REXO5: variants seen among roughly 807,000 people sequenced by gnomAD.
REXO5 encodes the protein exonuclease NEF-sp.
In REXO5, 48 loss-of-function variants were observed where a neutral mutation model predicts 88.5. The observed-to-expected ratio is 0.54, with a 90% CI of 0.43 to 0.69. The LOEUF (loss-of-function observed/expected upper bound fraction) is 0.69, where lower values mean the gene tolerates loss of function less well. Ranked by LOEUF, REXO5 falls within the 30% of genes least tolerant of loss-of-function variation. The pLI is 0.00. For missense variants in REXO5, 749 were observed against 912.2 expected, an observed-to-expected ratio of 0.82 and a Z score of 2.30; for synonymous variants, 311 against 336.5, an observed-to-expected ratio of 0.92 and a Z score of 0.83.
intron 19 of REXO5, among the ~76,000 whole-genome samples, chr16:20,847,714 G>C (rs1459637259): frequency 6.6e-6 from 1 of 152,156 alleles, no homozygotes; most frequent in Non-Finnish European, 1.5e-5. Context: ...AACAGGAACA[G>C]GTTAAAAAGT....
chr16:20,807,715 A>G (rs1287854971), intron 2 of REXO5, among the ~76,000 whole-genome samples: 1 of 151,282 alleles, frequency 6.6e-6, no homozygotes, highest in South Asian at 2.1e-4. Context: ...CAGCCTGGGC[A>G]ATATAGCAAG....
intron 13 of REXO5, among the ~76,000 whole-genome samples, chr16:20,833,856 CTAA>C (rs2152508421): frequency 6.6e-6 from 1 of 152,258 alleles, no homozygotes; most frequent in East Asian, 1.9e-4. Flanking sequence ...TTTAGTAAAT[CTAA>C]TATTGTCCTG....
intron 19 of REXO5, 53 bp from the exon 20 acceptor site, chr16:20,849,346 C>G (rs2081657318): frequency 1.3e-6 from 2 of 1,509,136 alleles, no homozygotes; most frequent in South Asian, 1.1e-5. Flanking sequence ...CATTTATAAC[C>G]ATTCATTCAA....
At chr16:20,822,052 CAGTGTATCTCAAA>C in intron 6 of REXO5, 150 bp downstream of exon 6, 1 of 787,360 alleles carries the variant, frequency 1.3e-6, no homozygotes, top group South Asian at 3.0e-5. Flanking sequence ...ATCTTCGGCA[CAGTGTATCTCAAA>C]AGTGTGTGAT....
At chr16:20,839,900 T>G in intron 14 of REXO5, 41 bp downstream of exon 14, 4 of 1,237,832 alleles carry the variant, frequency 3.2e-6, no homozygotes. Flanking sequence ...TTTAGTGACT[T>G]ATTATAACCT....
intron 7 of REXO5, chr16:20,825,553 G>T: frequency 3.3e-6 from 1 of 301,638 alleles, no homozygotes; most frequent in Non-Finnish European, 6.1e-6. Flanking sequence ...GCATAATACT[G>T]GATATAGTAC....
At chr16:20,849,376 C>T in intron 19 of REXO5, 23 bp from the exon 20 acceptor site, 1 of 1,596,718 alleles carries the variant, frequency 6.3e-7, no homozygotes, top group Non-Finnish European at 8.6e-7. Context: ...TAAAAACATA[C>T]CTTTGTTTCT....
rs2080882567 is a variant in REXO5, at chr16:20,806,681, C to T, written c.-27C>T. 1.9e-6 allele frequency: 2 copies of T among 1,071,024 alleles called. No individual in the cohort carries two copies. Among genetic ancestry groups the T allele is most frequent in the Non-Finnish European group, 2.6e-6 (2 of 769,624 alleles). The allele number at this position is 1,071,024 out of a possible 1,614,324, so 66.3% of individuals were successfully genotyped here. A position where few individuals can be genotyped will look rare whatever the true frequency, so the allele number is the denominator to read the frequency against. ...TTTGCCAGGCAGACGCCCGTTGTAGCCGTTGGGGAACCGTTGAGAATCCGG... is the reference window on the plus strand; with the variant it reads ...TTTGCCAGGCAGACGCCCGTTGTAGTCGTTGGGGAACCGTTGAGAATCCGG... On this transcript the variant is annotated 5_prime_UTR_variant, in exon 1 of 20. Transcript: ENST00000261377.
In REXO5 at chr16:20,840,523, G is replaced by T. The variant is rs988292867; in HGVS notation, c.1626+55G>T. On this transcript the variant is annotated intron_variant, in intron 15 of 19. Coordinates refer to ENST00000261377, the MANE Select transcript of REXO5 (RefSeq NM_030941.3). ...CTAGATTAGTGTTAGACATTCAGGT[G>T]ACTGCTTGGGCCATGCAGATAGCAA... 13 of 1,442,998 alleles carry T rather than the reference G, an allele frequency of 9.0e-6. No individual in the cohort carries two copies. In the African/African-American group the frequency reaches 1.7e-4, roughly 19 times the overall value. 89.4% of individuals were successfully genotyped at this position (1,442,998 alleles called of 1,614,324 possible).
rs376230304 is a variant in REXO5 at position 20,849,517 on chromosome 16, C to G, written c.*37C>G. 1 of 1,585,738 alleles carries G rather than the reference C, an allele frequency of 6.3e-7. No individual in the cohort carries two copies. The highest frequency in any genetic ancestry group is 8.7e-7 in the Non-Finnish European group (1 of 1,154,496). On this transcript the variant is annotated 3_prime_UTR_variant, in exon 20 of 20. Coordinates refer to ENST00000261377, the MANE Select transcript of REXO5 (RefSeq NM_030941.3). ...ATGTTTCCATGTGCCATTTCTTACC[C>G]CTTGTAGGCAATGGCAAAGAATGTG...
chr16:20,813,244 C>G lies in REXO5; in HGVS notation c.193C>G (p.Gln65Glu). Residue 65 changes from glutamine to glutamate, a missense_variant, in exon 3 of 20, where the codon CAG becomes GAG. Transcript: ENST00000261377. ...FTDNCEVTHD[Q>E]LCELLKYAVL... ...TGACAACTGTGAAGTAACCCATGAC[C>G]AGCTGTGTGAATTGCTGAAGTATGC... 6.2e-7 allele frequency: 1 copy of G among 1,613,988 alleles called. No individual in the cohort carries two copies. The highest frequency in any genetic ancestry group is 8.5e-7 in the Non-Finnish European group (1 of 1,179,982).
intron 7 of REXO5, among the ~76,000 whole-genome samples, chr16:20,825,278 C>A (rs146597886): frequency 6.6e-6 from 1 of 152,252 alleles, no homozygotes; most frequent in East Asian, 1.9e-4. Context: ...GAAACAGTTT[C>A]TCAATTCTTA....
chr16:20,826,420 TAC>T (rs1036788387), intron 8 of REXO5, among the ~76,000 whole-genome samples: 8 of 152,240 alleles, frequency 5.3e-5, no homozygotes, highest in African/African-American at 1.9e-4. Flanking sequence ...TCTCAGAATG[TAC>T]ACACAGTGAC....
intron 19 of REXO5, among the ~76,000 whole-genome samples, chr16:20,847,426 A>G (rs61541684): frequency 0.058 from 8,286 of 142,954 alleles, 308 homozygotes; most frequent in East Asian, 0.13. Context: ...ACAGAGTAAG[A>G]CTCTTATCTC....
chr16:20,848,062 A>T (rs1382589229), intron 19 of REXO5, among the ~76,000 whole-genome samples: 1 of 152,186 alleles, frequency 6.6e-6, no homozygotes, highest in Non-Finnish European at 1.5e-5. Flanking sequence ...TGTGGTGAAG[A>T]AACCTGAACT....
Position 20,840,424 on chromosome 16 carries a change from T to C in REXO5, c.1582T>C (p.Phe528Leu). Residue 528 changes from phenylalanine (F) to leucine (L), a missense_variant, in exon 15 of 20, where the codon TTT becomes CTT. Physicochemically the swap from Phe to Leu is conservative, Grantham distance 22. Coordinates refer to ENST00000261377, the MANE Select transcript of REXO5 (RefSeq NM_030941.3). ...GGCTCTGAAGAGGCTGTTTAAAAGC[T>C]TTGGCCCAGTCCAGTCAATGACTTT... is the stretch of plus-strand genomic sequence containing the variant. ...LRALKRLFKS[F>L]GPVQSMTFVL... 1 of 1,576,418 alleles carries C rather than the reference T, an allele frequency of 6.3e-7. No individual in the cohort carries two copies. The highest frequency in any genetic ancestry group is 2.3e-5 in the East Asian group (1 of 44,064).
At chr16:20,824,638 C>T in intron 7 of REXO5, 111 bp downstream of exon 7, 1 of 706,970 alleles carries the variant, frequency 1.4e-6, no homozygotes, top group Non-Finnish European at 2.5e-6. Flanking sequence ...TTTTAGTATT[C>T]TGTTTTAATA....
intron 8 of REXO5, 79 bp from the exon 9 acceptor site, chr16:20,826,979 T>G: frequency 7.0e-7 from 1 of 1,437,792 alleles, no homozygotes; most frequent in Non-Finnish European, 9.5e-7. Context: ...TTTTAAAAAA[T>G]GTTATTTTTA....
intron 4 of REXO5, 47 bp from the exon 5 acceptor site, chr16:20,816,069 T>A: frequency 6.8e-7 from 1 of 1,475,096 alleles, no homozygotes; most frequent in Non-Finnish European, 9.5e-7. Flanking sequence ...TCACAGTATT[T>A]TAGCTGTTTT....
Sources: gnomAD v4.1 joint callset for allele counts (sites outside exome capture counted in the v4.1 genomes callset) on GRCh38, gnomAD v4.1.1 for gene constraint, MANE v1.5 for transcripts, NCBI Gene and HGNC (gene_info 2026-07-23, HGNC 2026-07-21) for gene names.